RBFOX1: variants seen among roughly 807,000 people sequenced by gnomAD.
RBFOX1 encodes RNA binding protein fox-1 homolog 1.
Under a neutral mutation model 57.7 loss-of-function variants are expected in RBFOX1, and 8 were observed. The observed-to-expected ratio is 0.14, with a 90% CI of 0.08 to 0.25. The LOEUF (loss-of-function observed/expected upper bound fraction) is 0.25, where lower values mean the gene tolerates loss of function less well. RBFOX1 is among the 10% of genes least tolerant of loss of function. The pLI, the probability that RBFOX1 is intolerant of heterozygous loss-of-function variation, is 1.00. For synonymous variants in RBFOX1, 326 were observed against 222.4 expected (o/e 1.47, Z -4.15); for missense variants, 611 against 548.5 (o/e 1.11, Z -1.14).
At chr16:7,034,958 C>T (rs894179770) in intron 3 of RBFOX1, among the ~76,000 whole-genome samples, 14 of 148,192 alleles carry the variant, frequency 9.4e-5, no homozygotes, top group Admixed American at 8.9e-4. Flanking sequence ...TATCGATTCT[C>T]ATTCCTCAGC....
intron 3 of RBFOX1, among the ~76,000 whole-genome samples, chr16:5,840,151 AT>A (rs1391879095): frequency 6.6e-6 from 1 of 152,062 alleles, no homozygotes; most frequent in Non-Finnish European, 1.5e-5. Context: ...TATTTCCCCC[AT>A]TGTGTTTTAG....
chr16:6,905,843 C>A (rs950278301), intron 3 of RBFOX1, among the ~76,000 whole-genome samples: 3 of 152,174 alleles, frequency 2.0e-5, no homozygotes, highest in African/African-American at 7.2e-5. Flanking sequence ...TGGCTGAGGG[C>A]TGTATGTTTA....
chr16:5,917,810 G>A (rs933606116), intron 4 of RBFOX1, among the ~76,000 whole-genome samples: 1 of 152,108 alleles, frequency 6.6e-6, no homozygotes, highest in Non-Finnish European at 1.5e-5. Flanking sequence ...ATTCATACCG[G>A]GTTGTGACTC....
intron 14 of RBFOX1, among the ~76,000 whole-genome samples, chr16:7,694,908 T>C (rs1428355236): frequency 6.6e-6 from 1 of 152,212 alleles, no homozygotes; most frequent in East Asian, 1.9e-4. Flanking sequence ...TTAACCCCTG[T>C]GCATGTTCCA....
chr16:6,821,261 C>T (rs1208981544), intron 3 of RBFOX1, among the ~76,000 whole-genome samples: 1 of 152,180 alleles, frequency 6.6e-6, no homozygotes, highest in Non-Finnish European at 1.5e-5. Context: ...TTACATCTAA[C>T]CAGGGCTATC....
At chr16:7,360,074 A>G (rs1380528211) in intron 4 of RBFOX1, among the ~76,000 whole-genome samples, 3 of 152,186 alleles carry the variant, frequency 2.0e-5, no homozygotes, top group African/African-American at 7.2e-5. Context: ...AGTTGAAACA[A>G]CTTAAATATT....
intron 3 of RBFOX1, among the ~76,000 whole-genome samples, chr16:7,029,182 G>A (rs143687038): frequency 2.2e-5 from 1 of 45,556 alleles, no homozygotes; most frequent in Non-Finnish European, 5.9e-5. Flanking sequence ...ACGTATACGT[G>A]TATATATACA....
chr16:6,761,739 T>C (rs1004405583), intron 3 of RBFOX1, among the ~76,000 whole-genome samples: 1 of 151,752 alleles, frequency 6.6e-6, no homozygotes, highest in Non-Finnish European at 1.5e-5. Flanking sequence ...ATTCCTGACC[T>C]TGTGATCCAC....
chr16:5,324,407 G>C (rs183063354), intron 1 of RBFOX1, among the ~76,000 whole-genome samples: 1 of 152,160 alleles, frequency 6.6e-6, no homozygotes, highest in Non-Finnish European at 1.5e-5. Context: ...AGGTTGCAGT[G>C]AGCCAAGATC....
chr16:6,476,451 C>T (rs774930851), intron 2 of RBFOX1, among the ~76,000 whole-genome samples: 6 of 152,132 alleles, frequency 3.9e-5, no homozygotes, highest in African/African-American at 1.4e-4. Flanking sequence ...TGTTTCCCAG[C>T]GCATATAAAA....
At chr16:5,878,177 A>G (rs573841647) in intron 4 of RBFOX1, among the ~76,000 whole-genome samples, 2 of 152,314 alleles carry the variant, frequency 1.3e-5, no homozygotes, top group African/African-American at 2.4e-5. Flanking sequence ...TCAGCTGGAC[A>G]TGTGGATGAA....
At chr16:7,222,186 G>A (rs757624817) in intron 4 of RBFOX1, among the ~76,000 whole-genome samples, 15 of 151,604 alleles carry the variant, frequency 9.9e-5, no homozygotes, top group Admixed American at 2.0e-4. Context: ...CCATAGACAC[G>A]ACCACACCAG....
At chr16:6,885,915 TA>T (rs2063910924) in intron 3 of RBFOX1, among the ~76,000 whole-genome samples, 1 of 152,242 alleles carries the variant, frequency 6.6e-6, no homozygotes, top group African/African-American at 2.4e-5. Flanking sequence ...ACGTTGACTT[TA>T]TTAACCCAAT....
At chr16:5,730,100 C>A (rs1014877635) in intron 3 of RBFOX1, among the ~76,000 whole-genome samples, 2 of 152,216 alleles carry the variant, frequency 1.3e-5, no homozygotes, top group South Asian at 2.1e-4. Flanking sequence ...TCAGAACTTA[C>A]CTGTCAGTGT....
chr16:5,871,317 C>G (rs1001767546), intron 4 of RBFOX1, among the ~76,000 whole-genome samples: 2 of 152,218 alleles, frequency 1.3e-5, no homozygotes, highest in African/African-American at 4.8e-5. Flanking sequence ...CCTTTAAGAA[C>G]CAAACTAAGA....
At chr16:7,335,282 G>A (rs925488364) in intron 4 of RBFOX1, among the ~76,000 whole-genome samples, 1 of 152,172 alleles carries the variant, frequency 6.6e-6, no homozygotes, top group Admixed American at 6.5e-5. Context: ...AGGAGGCAAA[G>A]TATTTCCTCT....
intron 4 of RBFOX1, among the ~76,000 whole-genome samples, chr16:7,193,697 A>G (rs567643225): frequency 1.3e-5 from 2 of 152,348 alleles, no homozygotes; most frequent in East Asian, 3.9e-4. Flanking sequence ...GGTATGTGAC[A>G]AAGCAGATGC....
At chr16:5,268,715 G>T (rs1285031860) in intron 1 of RBFOX1, among the ~76,000 whole-genome samples, 1 of 152,210 alleles carries the variant, frequency 6.6e-6, no homozygotes, top group African/African-American at 2.4e-5. Context: ...AGTACCCATA[G>T]TTCATTTTCC....
At chr16:6,498,748 A>G (rs2095841480) in intron 2 of RBFOX1, among the ~76,000 whole-genome samples, 2 of 152,220 alleles carry the variant, frequency 1.3e-5, no homozygotes, top group Admixed American at 6.5e-5. Flanking sequence ...AATAATAATT[A>G]TATCTATAAT....
Sources: allele counts gnomAD v4.1 joint callset (sites outside exome capture counted in the v4.1 genomes callset), GRCh38; gene constraint gnomAD v4.1.1; transcripts MANE v1.5; gene names NCBI Gene and HGNC (gene_info 2026-07-23, HGNC 2026-07-21).